PLEKHA8: variants seen among roughly 807,000 people sequenced by gnomAD.
PLEKHA8 encodes the protein pleckstrin homology domain containing A8.
PLEKHA8 carries 36 observed loss-of-function variants against 68.2 expected under a neutral mutation model. The observed-to-expected ratio is 0.53, with a 90% CI of 0.40 to 0.70. The LOEUF (loss-of-function observed/expected upper bound fraction) is 0.70, where lower values mean the gene tolerates loss of function less well. PLEKHA8 is among the 30% of genes least tolerant of loss of function. The probability of loss-of-function intolerance (pLI) is 0.00; values close to 1 mark genes in which losing one functional copy is unlikely to be tolerated. For missense variants in PLEKHA8, 505 were observed against 615.4 expected, an observed-to-expected ratio of 0.82 and a Z score of 1.90; for synonymous variants, 211 against 216.1, an observed-to-expected ratio of 0.98 and a Z score of 0.20.
rs934914742 is a variant in PLEKHA8, at chr7:30,112,326, A to C, written c.1363-16940A>C. Among the ~76,000 whole-genome samples the C allele has an allele frequency of 2.0e-5, 3 of 152,018 alleles. No individual in the cohort carries two copies. The South Asian group carries it at 6.2e-4, about 31-fold the overall frequency. On this transcript the variant is annotated intron_variant, in intron 13 of 13. Transcript: ENST00000396257. ...CTCAGCATATACCAAAAAAGTCAAG[A>C]TTTTCTGACCACAATGTACTACAAT...
At position 30,082,074 on chromosome 7, in the gene PLEKHA8, C is replaced by G. The variant is rs1794958737; in HGVS notation, c.*3287C>G. 1.0e-6 allele frequency: 1 copy of G among 983,284 alleles called. No individual in the cohort carries two copies. Among genetic ancestry groups the G allele is most frequent in the East Asian group, 1.1e-4 (1 of 8,806 alleles). The allele number at this position is 983,284 out of a possible 1,614,324, so 60.9% of individuals were successfully genotyped here. On this transcript the variant is annotated 3_prime_UTR_variant, in exon 14 of 14. Coordinates refer to ENST00000449726, the MANE Select transcript of PLEKHA8 (RefSeq NM_001197026.2). ...TCTGAAGGGAGTTCCAGAAGAGGAG[C>G]TCTCACAGAATGTTGAGCCTGTGGG...
At chr7:30,098,975 C>T (rs1795744485) in intron 13 of PLEKHA8, among the ~76,000 whole-genome samples, 1 of 152,184 alleles carries the variant, frequency 6.6e-6, no homozygotes, top group Non-Finnish European at 1.5e-5. Flanking sequence ...AACCTGGTCT[C>T]GAACTCCTGA....
At chr7:30,074,636 G>T (rs576144970) in intron 13 of PLEKHA8, among the ~76,000 whole-genome samples, 4 of 152,080 alleles carry the variant, frequency 2.6e-5, no homozygotes, top group African/African-American at 4.8e-5. Flanking sequence ...TCCCTCTGCT[G>T]CCCATTGTAT....
At chr7:30,063,658 C>T (rs1057483149) in intron 12 of PLEKHA8, among the ~76,000 whole-genome samples, 2 of 152,028 alleles carry the variant, frequency 1.3e-5, no homozygotes, top group South Asian at 2.1e-4. Flanking sequence ...CGTGATTTCC[C>T]GAGTCTGCCC....
chr7:30,040,006 G>A (rs115335992), intron 1 of PLEKHA8, among the ~76,000 whole-genome samples: 35 of 152,276 alleles, frequency 2.3e-4, no homozygotes, highest in Middle Eastern at 6.8e-3. Context: ...CATTAACTAT[G>A]GGTTCTTTGT....
intron 13 of PLEKHA8, among the ~76,000 whole-genome samples, chr7:30,076,177 TC>T (rs984140953): frequency 2.6e-5 from 4 of 151,896 alleles, no homozygotes; most frequent in South Asian, 2.1e-4. Flanking sequence ...TAATTTTATA[TC>T]CCCCCAACTG....
chr7:30,115,671 T>A (rs1194093024), intron 13 of PLEKHA8, among the ~76,000 whole-genome samples: 1 of 151,386 alleles, frequency 6.6e-6, no homozygotes, highest in African/African-American at 2.4e-5. Flanking sequence ...TATACGTGTA[T>A]ACATACGCAC....
intron 13 of PLEKHA8, among the ~76,000 whole-genome samples, chr7:30,121,918 C>T (rs1796703792): frequency 6.6e-6 from 1 of 152,202 alleles, no homozygotes; most frequent in Non-Finnish European, 1.5e-5. Flanking sequence ...ATTCATTCTA[C>T]AGAAGTGCCA....
At chr7:30,118,071 G>T in intron 13 of PLEKHA8, 1 of 1,468,448 alleles carries the variant, frequency 6.8e-7, no homozygotes, top group South Asian at 1.4e-5. Context: ...GAGACAGGAT[G>T]CATCACATCT....
At chr7:30,047,341 A>G (rs577354535) in intron 3 of PLEKHA8, among the ~76,000 whole-genome samples, 10 of 152,214 alleles carry the variant, frequency 6.6e-5, no homozygotes, top group Admixed American at 1.3e-4. Context: ...ACAAGGCAGC[A>G]TACCAAACCA....
intron 13 of PLEKHA8, among the ~76,000 whole-genome samples, chr7:30,108,772 C>T (rs2128015951): frequency 6.6e-6 from 1 of 152,362 alleles, no homozygotes; most frequent in Admixed American, 6.5e-5. Context: ...CACCCAAGTT[C>T]AGCTTCCCAC....
At chr7:30,121,251 T>A (rs548120841) in intron 13 of PLEKHA8, among the ~76,000 whole-genome samples, 1 of 152,256 alleles carries the variant, frequency 6.6e-6, no homozygotes, top group African/African-American at 2.4e-5. Flanking sequence ...AGGGTAGATG[T>A]CAGGAAGACA....
At chr7:30,120,239 A>C (rs1796676225) in intron 13 of PLEKHA8, among the ~76,000 whole-genome samples, 2 of 152,240 alleles carry the variant, frequency 1.3e-5, no homozygotes, top group Admixed American at 1.3e-4. Context: ...ATTAAATTTA[A>C]CAGAGTTTAA....
intron 13 of PLEKHA8, among the ~76,000 whole-genome samples, chr7:30,102,640 A>G (rs1423513707): frequency 6.6e-6 from 1 of 152,264 alleles, no homozygotes; most frequent in Admixed American, 6.5e-5. Context: ...TGAATCTTGG[A>G]AATATTATGT....
intron 5 of PLEKHA8, 128 bp from the exon 6 acceptor site, chr7:30,050,306 T>C (rs1583808326): frequency 1.6e-6 from 2 of 1,252,894 alleles, no homozygotes; most frequent in East Asian, 5.9e-5. Flanking sequence ...AAAATTGTTT[T>C]TGTTTAGTGG....
At chr7:30,037,420 C>G (rs1314641691) in intron 1 of PLEKHA8, among the ~76,000 whole-genome samples, 2 of 152,146 alleles carry the variant, frequency 1.3e-5, no homozygotes, top group African/African-American at 4.8e-5. Context: ...CCTTCTGCCT[C>G]ATGAGCCACT....
downstream of PLEKHA8, among the ~76,000 whole-genome samples, chr7:30,085,530 A>G (rs1795149460): frequency 6.6e-6 from 1 of 152,182 alleles, no homozygotes; most frequent in African/African-American, 2.4e-5. Flanking sequence ...ATGTCAAAGT[A>G]GTGTTGAACC....
chr7:30,037,993 AT>A (rs1452974718), intron 1 of PLEKHA8, among the ~76,000 whole-genome samples: 1 of 152,144 alleles, frequency 6.6e-6, no homozygotes, highest in East Asian at 1.9e-4. Context: ...TAAATTTTTA[AT>A]TGTTTTTCCT....
At position 30,062,746 on chromosome 7, in the gene PLEKHA8, A is replaced by T. The variant is rs1166304728; in HGVS notation, c.1300+4A>T. ...AAGGATATCCAGACAGCCCTAAGTA[A>T]GTGTTCTTTATGTTTTGTTGAATGA... is the stretch of plus-strand genomic sequence containing the variant. On this transcript the variant is annotated splice_donor_region_variant and intron_variant, in intron 12 of 13. Coordinates refer to ENST00000449726, the MANE Select transcript of PLEKHA8 (RefSeq NM_001197026.2). 6.2e-7 allele frequency: 1 copy of T among 1,608,778 alleles called. No homozygotes were observed. The highest frequency in any genetic ancestry group is 8.5e-7 in the Non-Finnish European group (1 of 1,175,376).
Sources: allele counts gnomAD v4.1 joint callset (sites outside exome capture counted in the v4.1 genomes callset), GRCh38; gene constraint gnomAD v4.1.1; transcripts MANE v1.5; gene names NCBI Gene and HGNC (gene_info 2026-07-23, HGNC 2026-07-21).